ATP6V1C2: variants seen among roughly 807,000 people sequenced by gnomAD.
ATP6V1C2 encodes V-type proton ATPase subunit C 2.
In ATP6V1C2, 45 loss-of-function variants were observed where a neutral mutation model predicts 56.8. The observed-to-expected ratio is 0.79, with a 90% CI of 0.62 to 1.02. The LOEUF (loss-of-function observed/expected upper bound fraction) is 1.02. Among genes scored for constraint, ATP6V1C2 ranks in the 50% least tolerant of loss-of-function variants. The pLI, the probability that ATP6V1C2 is intolerant of heterozygous loss-of-function variation, is 0.00. For synonymous variants in ATP6V1C2, 220 were observed against 201.3 expected, an observed-to-expected ratio of 1.09 and a Z score of -0.79; for missense variants, 463 against 519.7, an observed-to-expected ratio of 0.89 and a Z score of 1.06.
intron 3 of ATP6V1C2, among the ~76,000 whole-genome samples, chr2:10,727,148 C>G (rs1212731762): frequency 6.6e-6 from 1 of 151,092 alleles, no homozygotes; most frequent in Non-Finnish European, 1.5e-5. Flanking sequence ...TGGCTCATTG[C>G]AACCTCCGCC....
intron 11 of ATP6V1C2, 139 bp from the exon 12 acceptor site, chr2:10,778,433 G>T (rs951869294): frequency 9.2e-6 from 7 of 760,638 alleles, no homozygotes; most frequent in African/African-American, 3.4e-5. Flanking sequence ...CCCAGGGCTG[G>T]TCTGACCGAC....
In ATP6V1C2 at chr2:10,777,711, G is replaced by A. The variant is rs1220828764; in HGVS notation, c.952G>A (p.Gly318Ser). 3 of 1,611,790 alleles carry A rather than the reference G, an allele frequency of 1.9e-6. No homozygotes were observed. The highest frequency in any genetic ancestry group is 1.7e-5 in the Admixed American group (1 of 59,408). ...GACCGACAGAGAGAGAGAGAGTGAG[G>A]GCGAGGGTGAGGTAAGCAACGCCCC... ...GQTDRERESE[G>S]EGEGPLLRWL... The change falls in exon 11 of 14, where the codon GGC becomes AGC. Residue 318 changes from glycine to serine, a missense_variant. Coordinates refer to ENST00000272238, the MANE Select transcript of ATP6V1C2 (RefSeq NM_001039362.2).
chr2:10,763,195 C>T lies in ATP6V1C2; in HGVS notation c.284-1136C>T, dbSNP rs551578557. On this transcript the variant is annotated intron_variant, in intron 4 of 13. Transcript: ENST00000272238. This position sits in a 1 kb window ranked among gnomAD's most constrained non-coding sequence, Gnocchi z 4.2. Reference sequence around the variant, plus strand: ...CCCTCTTCCCTGACTCACAGTGCCCCGAGTACGTAGCGCTGCCAGCCCTCC... The same window carrying T: ...CCCTCTTCCCTGACTCACAGTGCCCTGAGTACGTAGCGCTGCCAGCCCTCC... Among the ~76,000 whole-genome samples the T allele has an allele frequency of 7.9e-5, 12 of 152,222 alleles. No homozygotes were observed. The South Asian group carries it at 1.9e-3, about 24-fold the overall frequency.
At chr2:10,756,551 C>G (rs1663562814) in intron 4 of ATP6V1C2, among the ~76,000 whole-genome samples, 2 of 151,994 alleles carry the variant, frequency 1.3e-5, no homozygotes, top group Non-Finnish European at 1.5e-5. Flanking sequence ...AATACTGTCT[C>G]TACTAAAAAT....
intron 4 of ATP6V1C2, 87 bp from the exon 5 acceptor site, chr2:10,764,244 C>T (rs1430103591): frequency 1.4e-5 from 17 of 1,230,454 alleles, no homozygotes; most frequent in East Asian, 7.1e-5. Context: ...TTCGTGTCCA[C>T]GCTGATGCTT....
intron 13 of ATP6V1C2, 96 bp from the exon 14 acceptor site, chr2:10,783,078 C>T (rs769965309): frequency 9.1e-6 from 8 of 875,558 alleles, no homozygotes; most frequent in South Asian, 2.8e-5. Context: ...CAGAGCAGAA[C>T]GTACGCTCAG....
chr2:10,755,649 C>T (rs1024894609), intron 4 of ATP6V1C2, among the ~76,000 whole-genome samples: 16 of 152,202 alleles, frequency 1.1e-4, no homozygotes, highest in Non-Finnish European at 2.4e-4. Flanking sequence ...ACTGTTTGCC[C>T]CTCCACCCTC....
chr2:10,774,781 C>T lies in ATP6V1C2; in HGVS notation c.639-7C>T, dbSNP rs1664850320. ...GAGTCCAGCCAACAGATGCTTCTCT[C>T]CAACAGACTCATTACTGAGGACAAG... is the stretch of plus-strand genomic sequence containing the variant. On this transcript the variant is annotated splice_polypyrimidine_tract_variant and splice_region_variant and intron_variant, in intron 8 of 13. Transcript: ENST00000272238. 6.2e-7 allele frequency: 1 copy of T among 1,613,004 alleles called. No individual in the cohort carries two copies. The highest frequency in any genetic ancestry group is 1.3e-5 in the African/African-American group (1 of 74,932).
chr2:10,741,303 G>C (rs1662537546), intron 3 of ATP6V1C2, among the ~76,000 whole-genome samples: 1 of 152,208 alleles, frequency 6.6e-6, no homozygotes, highest in Non-Finnish European at 1.5e-5. Flanking sequence ...TAATTGCTGT[G>C]GAGTCACATT....
chr2:10,733,335 G>A (rs1272839030), intron 3 of ATP6V1C2, among the ~76,000 whole-genome samples: 1 of 152,178 alleles, frequency 6.6e-6, no homozygotes, highest in Non-Finnish European at 1.5e-5. Context: ...GTCCTCGAGT[G>A]TTATTAGGTA....
chr2:10,777,470 G>C, intron 10 of ATP6V1C2, 115 bp from the exon 11 acceptor site: 1 of 1,390,146 alleles, frequency 7.2e-7, no homozygotes, highest in Admixed American at 2.0e-5. Context: ...CGAGTCCCGA[G>C]GGTGGGCCTG....
chr2:10,722,600 C>T (rs1661429167), intron 1 of ATP6V1C2, among the ~76,000 whole-genome samples: 2 of 152,164 alleles, frequency 1.3e-5, no homozygotes, highest in Admixed American at 1.3e-4. Context: ...CTCCTCTGCT[C>T]CTGAAAACCA....
At chr2:10,747,512 A>G (rs1409268522) in intron 3 of ATP6V1C2, among the ~76,000 whole-genome samples, 2 of 152,146 alleles carry the variant, frequency 1.3e-5, no homozygotes, top group Admixed American at 1.3e-4. Flanking sequence ...TCAGGAATGC[A>G]ATACTGGTAC....
At chr2:10,727,470 T>C (rs1661710156) in intron 3 of ATP6V1C2, among the ~76,000 whole-genome samples, 1 of 150,304 alleles carries the variant, frequency 6.7e-6, no homozygotes, top group African/African-American at 2.5e-5. Flanking sequence ...GTGAGAAAAA[T>C]GCTTGAACCC....
intron 3 of ATP6V1C2, among the ~76,000 whole-genome samples, chr2:10,748,643 A>G (rs1663045182): frequency 6.6e-6 from 1 of 152,190 alleles, no homozygotes; most frequent in Non-Finnish European, 1.5e-5. Context: ...GGCATTTTAC[A>G]TAAAGCTGCC....
intron 5 of ATP6V1C2, among the ~76,000 whole-genome samples, chr2:10,767,492 C>T (rs1664300758): frequency 6.6e-6 from 1 of 151,758 alleles, no homozygotes. Flanking sequence ...GAGTCTCACT[C>T]TGTCACCCAA....
At chr2:10,775,203 G>A (rs917206955) in intron 10 of ATP6V1C2, 132 bp downstream of exon 10, 21 of 722,306 alleles carry the variant, frequency 2.9e-5, no homozygotes, top group East Asian at 5.3e-5. Flanking sequence ...CATGGGGACC[G>A]TCTGTTCTCA....
At chr2:10,782,818 A>C (rs1164917717) in intron 13 of ATP6V1C2, among the ~76,000 whole-genome samples, 1 of 133,742 alleles carries the variant, frequency 7.5e-6, no homozygotes, top group African/African-American at 3.0e-5. Flanking sequence ...CGACAGAACA[A>C]GACTCTGTCT....
In ATP6V1C2 at chr2:10,722,954, C is replaced by T. The variant is rs760204609; in HGVS notation, c.105C>T (p.Thr35=). Residue 35 remains threonine, a synonymous_variant, in exon 2 of 14, where the codon ACC becomes ACT. Coordinates refer to ENST00000272238, the MANE Select transcript of ATP6V1C2 (RefSeq NM_001039362.2). ...VTSKSNLSYN[T]KFAIPDFKVG... ...CCAAGTCCAACCTGTCTTATAATACCAAATTCGCTATTCCTGACTTCAAGG... is the reference window on the plus strand; with the variant it reads ...CCAAGTCCAACCTGTCTTATAATACTAAATTCGCTATTCCTGACTTCAAGG... The T allele has an allele frequency of 6.2e-7, 1 of 1,613,948 alleles. No homozygotes were observed. The highest frequency in any genetic ancestry group is 2.2e-5 in the East Asian group (1 of 44,870).
Sources: allele counts gnomAD v4.1 joint callset (sites outside exome capture counted in the v4.1 genomes callset), GRCh38; gene constraint gnomAD v4.1.1; non-coding constraint Gnocchi (gnomAD v3.1); transcripts MANE v1.5; gene names NCBI Gene and HGNC (gene_info 2026-07-23, HGNC 2026-07-21).